NOL7: variants seen among roughly 807,000 people sequenced by gnomAD.
The protein encoded by NOL7 is nucleolar protein 7.
NOL7 carries 36 observed loss-of-function variants against 38.4 expected under a neutral mutation model. The ratio of observed to expected loss-of-function variants is 0.94; its 90% CI spans 0.72 to 1.24. The LOEUF is 1.24. NOL7 is among the 50% of genes most tolerant of loss of function. The pLI is 0.00. For synonymous variants in NOL7, 142 were observed against 126.5 expected, an observed-to-expected ratio of 1.12 and a Z score of -0.82; for missense variants, 350 against 315.1, an observed-to-expected ratio of 1.11 and a Z score of -0.84.
At chr6:13,623,923 T>C (rs959499061), downstream of NOL7, among the ~76,000 whole-genome samples, 2 of 152,144 alleles carry the variant, frequency 1.3e-5, no homozygotes, top group Non-Finnish European at 2.9e-5. Flanking sequence ...AGAAACTAAA[T>C]TGTAAGAAAA....
chr6:13,615,374 C>G lies in NOL7; in HGVS notation c.16C>G (p.Pro6Ala), dbSNP rs994713089. The stretch of plus-strand genomic sequence containing the variant: ...TGCGTGGGCCATGGTGCAGCTCCGA[C>G]CGCGAGCGTCTCGCGCCCCGGCGTC... MVQLR[P>A]RASRAPASAE... is the part of the protein sequence containing the mutation. Residue 6 changes from proline (P) to alanine (A), a missense_variant, in exon 1 of 8, where the codon CCG becomes GCG. Pro to Ala is a conservative substitution (Grantham distance 27, BLOSUM62 -1). Transcript: ENST00000451315. 1.3e-6 allele frequency: 2 copies of G among 1,513,164 alleles called. No individual in the cohort carries two copies. Among genetic ancestry groups the G allele is most frequent in the African/African-American group, 1.4e-5 (1 of 72,190 alleles). The allele number at this position is 1,513,164 out of a possible 1,614,324, so 93.7% of individuals were successfully genotyped here. A position where few individuals can be genotyped will look rare whatever the true frequency, so the allele number is the denominator to read the frequency against.
Position 13,616,531 on chromosome 6 carries a change from G to T in NOL7, c.386+10G>T. The T allele has an allele frequency of 6.3e-7, 1 of 1,579,324 alleles. No homozygotes were observed. The highest frequency in any genetic ancestry group is 1.1e-5 in the South Asian group (1 of 88,118). Reference sequence around the variant, plus strand: ...CAGCTTCACAGACTAAGTAAGTAATGGATCTTTTTATATTACTTGCTTATA... The same window carrying T: ...CAGCTTCACAGACTAAGTAAGTAATTGATCTTTTTATATTACTTGCTTATA... On this transcript the variant is annotated intron_variant, in intron 3 of 7. Transcript: ENST00000451315.
In NOL7 at chr6:13,630,162, T is replaced by C. The variant is rs114144038; in HGVS notation, n.574-2231T>C. On this transcript the variant is annotated intron_variant and non_coding_transcript_variant, in intron 8 of 8. Coordinates refer to the NOL7 transcript ENST00000474485. ...GGGTCAGTTGCTCACCTTATCCCTA[T>C]CTAGATCAAGATAAGTTTGGGAAAT... Among the ~76,000 whole-genome samples, 1,086 of 152,174 alleles carry C rather than the reference T, an allele frequency of 7.1e-3. 21 individuals are homozygous for C. The highest frequency in any genetic ancestry group is 0.025 in the African/African-American group (1,036 of 41,484).
At position 13,620,932 on chromosome 6, in the gene NOL7, G is replaced by C. The variant is rs746083167; in HGVS notation, c.*105G>C. The stretch of plus-strand genomic sequence containing the variant: ...CATTATAAAAATCATAAACCTATTT[G>C]AGGAAGTGCTCAACCACATTTCATT... On this transcript the variant is annotated 3_prime_UTR_variant, in exon 8 of 8. Coordinates refer to ENST00000451315, the MANE Select transcript of NOL7 (RefSeq NM_016167.5). 7.2e-6 allele frequency: 5 copies of C among 699,062 alleles called. No homozygotes were observed. The South Asian group carries it at 1.2e-4, about 16-fold the overall frequency. The allele number at this position is 699,062 out of a possible 1,614,324, so 43.3% of individuals were successfully genotyped here.
At chr6:13,617,977 G>A (rs1004685353) in intron 4 of NOL7, 81 bp from the exon 5 acceptor site, 1 of 972,256 alleles carries the variant, frequency 1.0e-6, no homozygotes, top group Admixed American at 1.9e-5. Flanking sequence ...GTGTGTAGTG[G>A]ATGCTTAAAG....
intron 8 of NOL7, among the ~76,000 whole-genome samples, chr6:13,629,012 T>C (rs144914657): frequency 3.0e-3 from 461 of 152,320 alleles, no homozygotes; most frequent in African/African-American, 0.01. Flanking sequence ...GATACATGTA[T>C]AAAGATTTCA....
intron 3 of NOL7, 130 bp from the exon 4 acceptor site, chr6:13,617,640 C>T (rs1196863219): frequency 2.6e-6 from 2 of 777,928 alleles, no homozygotes; most frequent in Admixed American, 2.3e-5. Flanking sequence ...GATGAGAGCT[C>T]CTGAGTAGAA....
chr6:13,615,354 G>C lies in NOL7; in HGVS notation c.-5G>C. 1 of 1,479,630 alleles carries C rather than the reference G, an allele frequency of 6.8e-7. No homozygotes were observed. Among genetic ancestry groups the C allele is most frequent in the Non-Finnish European group, 8.9e-7 (1 of 1,120,516 alleles). 91.7% of individuals were successfully genotyped at this position (1,479,630 alleles called of 1,614,324 possible). A position where few individuals can be genotyped will look rare whatever the true frequency, so the allele number is the denominator to read the frequency against. On this transcript the variant is annotated 5_prime_UTR_variant, in exon 1 of 8. Coordinates refer to ENST00000451315, the MANE Select transcript of NOL7 (RefSeq NM_016167.5). ...GAGGTCAGACGGTCTAGCGCTGCGT[G>C]GGCCATGGTGCAGCTCCGACCGCGA... is the stretch of plus-strand genomic sequence containing the variant.
rs556561848 is a variant in NOL7 at position 13,615,338 on chromosome 6, C to A, written c.-21C>A. 1.2e-4 allele frequency: 175 copies of A among 1,447,654 alleles called. No homozygotes were observed. The highest frequency in any genetic ancestry group is 2.0e-4 in the Admixed American group (7 of 35,530). 89.7% of individuals were successfully genotyped at this position (1,447,654 alleles called of 1,614,324 possible). ...AGCTGCTTCCGGGTCAGAGGTCAGACGGTCTAGCGCTGCGTGGGCCATGGT... is the reference window on the plus strand; with the variant it reads ...AGCTGCTTCCGGGTCAGAGGTCAGAAGGTCTAGCGCTGCGTGGGCCATGGT... On this transcript the variant is annotated 5_prime_UTR_variant, in exon 1 of 8. Coordinates refer to ENST00000451315, the MANE Select transcript of NOL7 (RefSeq NM_016167.5).
At position 13,615,367 on chromosome 6, in the gene NOL7, G is replaced by C. The variant is rs201177610; in HGVS notation, c.9G>C (p.Gln3His). MV[Q>H]LRPRASRAPA... The stretch of plus-strand genomic sequence containing the variant: ...CTAGCGCTGCGTGGGCCATGGTGCA[G>C]CTCCGACCGCGAGCGTCTCGCGCCC... The change falls in exon 1 of 8, where the codon CAG becomes CAC. Residue 3 changes from glutamine (Q) to histidine (H), a missense_variant. Physicochemically the swap from Gln to His is conservative, Grantham distance 24 (BLOSUM62 0). Coordinates refer to ENST00000451315, the MANE Select transcript of NOL7 (RefSeq NM_016167.5). The C allele has an allele frequency of 1.3e-5, 19 of 1,507,914 alleles. No individual in the cohort carries two copies. Among genetic ancestry groups the C allele is most frequent in the Middle Eastern group, 2.3e-4 (1 of 4,260 alleles). 93.4% of individuals were successfully genotyped at this position (1,507,914 alleles called of 1,614,324 possible). A position where few individuals can be genotyped will look rare whatever the true frequency, so the allele number is the denominator to read the frequency against.
chr6:13,624,689 A>G (rs557181238), downstream of NOL7, among the ~76,000 whole-genome samples: 1 of 152,360 alleles, frequency 6.6e-6, no homozygotes, highest in Admixed American at 6.5e-5. Context: ...TGAGCTGCTC[A>G]TAGGAATGGC....
chr6:13,627,520 C>T (rs1764642897), intron 8 of NOL7, among the ~76,000 whole-genome samples: 1 of 150,828 alleles, frequency 6.6e-6, no homozygotes, highest in South Asian at 2.1e-4. Flanking sequence ...ATCTCAGCTA[C>T]TCGGGAGGCT....
rs200490879 is a variant in NOL7 at position 13,620,506 on chromosome 6, C to T, written c.700+21C>T. 17 of 1,595,408 alleles carry T rather than the reference C, an allele frequency of 1.1e-5. No homozygotes were observed. The African/African-American group carries it at 1.1e-4, about 10-fold the overall frequency. Reference sequence around the variant, plus strand: ...TTGGGGTAAGATCCAGCTTTATTCTCCTGTCTCTAATAGCTTTATATGTTG... The same window carrying T: ...TTGGGGTAAGATCCAGCTTTATTCTTCTGTCTCTAATAGCTTTATATGTTG... On this transcript the variant is annotated intron_variant, in intron 7 of 7. Transcript: ENST00000451315.
chr6:13,630,000 G>A (rs985464066), intron 8 of NOL7, among the ~76,000 whole-genome samples: 1 of 151,428 alleles, frequency 6.6e-6, no homozygotes, highest in Non-Finnish European at 1.5e-5. Context: ...TAAAAACGAT[G>A]CTACAATTTT....
intron 7 of NOL7, 26 bp downstream of exon 7, chr6:13,620,511 C>G: frequency 6.3e-7 from 1 of 1,579,636 alleles, no homozygotes; most frequent in South Asian, 1.1e-5. Flanking sequence ...ATTCTCCTGT[C>G]TCTAATAGCT....
downstream of NOL7, among the ~76,000 whole-genome samples, chr6:13,626,444 G>C (rs528281596): frequency 6.6e-6 from 1 of 152,298 alleles, no homozygotes; most frequent in East Asian, 1.9e-4. Flanking sequence ...TGTAGCCTTT[G>C]GCAATTGACA....
downstream of NOL7, chr6:13,625,862 C>T: frequency 1.2e-6 from 1 of 822,052 alleles, no homozygotes; most frequent in Non-Finnish European, 2.1e-6. Context: ...CTTCCAGGCA[C>T]AGACTAATAA....
intron 3 of NOL7, 60 bp downstream of exon 3, chr6:13,616,581 T>C: frequency 4.5e-6 from 5 of 1,114,740 alleles, no homozygotes; most frequent in Non-Finnish European, 6.5e-6. Context: ...AATTATATAC[T>C]GGTACATTTA....
At chr6:13,632,228 C>A in intron 8 of NOL7, 1 of 466,032 alleles carries the variant, frequency 2.1e-6, no homozygotes, top group Admixed American at 4.6e-5. Context: ...AATATTTCCA[C>A]TCTCAGATGG....
Sources: allele counts gnomAD v4.1 joint callset (sites outside exome capture counted in the v4.1 genomes callset), GRCh38; gene constraint gnomAD v4.1.1; transcripts MANE v1.5; gene names NCBI Gene and HGNC (gene_info 2026-07-23, HGNC 2026-07-21).